Variants in SLC6A5 observed in about 807,000 individuals in gnomAD.
The protein encoded by SLC6A5 is solute carrier family 6 member 5.
In SLC6A5, 58 loss-of-function variants were observed where a neutral mutation model predicts 90.5. The ratio of observed to expected loss-of-function variants is 0.64; its 90% CI spans 0.52 to 0.80. The LOEUF (loss-of-function observed/expected upper bound fraction) is 0.80. SLC6A5 is among the 30% of genes least tolerant of loss of function. The pLI, the probability that SLC6A5 is intolerant of heterozygous loss-of-function variation, is 0.00. For synonymous variants in SLC6A5, 427 were observed against 401.4 expected (o/e 1.06, Z -0.76); for missense variants, 1,015 against 1,017.6 (o/e 1.00, Z 0.03).
rs914006722 is a variant in SLC6A5 at position 20,656,437 on chromosome 11, A to G, written c.*1569A>G. 6.6e-6 allele frequency: 1 copy of G among 152,144 alleles called. No homozygotes were observed. The highest frequency in any genetic ancestry group is 1.5e-5 in the Non-Finnish European group (1 of 68,028). 9.4% of individuals were successfully genotyped at this position (152,144 alleles called of 1,614,324 possible). A position where few individuals can be genotyped will look rare whatever the true frequency, so the allele number is the denominator to read the frequency against. ...GTCTCAGGCAAAGTTTTTCAGTTCAAATCTTGTATATTGTTGTGACATTTT... is the reference window on the plus strand; with the variant it reads ...GTCTCAGGCAAAGTTTTTCAGTTCAGATCTTGTATATTGTTGTGACATTTT... On this transcript the variant is annotated 3_prime_UTR_variant, in exon 16 of 16. Coordinates refer to ENST00000525748, the MANE Select transcript of SLC6A5 (RefSeq NM_004211.5).
chr11:20,613,305 A>T (rs1355148296), intron 5 of SLC6A5, among the ~76,000 whole-genome samples: 1 of 152,218 alleles, frequency 6.6e-6, no homozygotes, highest in Non-Finnish European at 1.5e-5. Context: ...GGTAACTGCC[A>T]TATAAGTGTA....
At chr11:20,645,551 TG>T (rs1182840550) in intron 13 of SLC6A5, among the ~76,000 whole-genome samples, 1 of 151,556 alleles carries the variant, frequency 6.6e-6, no homozygotes, top group Non-Finnish European at 1.5e-5. Flanking sequence ...GTATTCTTGA[TG>T]GGAGGAGATG....
Position 20,626,847 on chromosome 11 carries a change from G to A in SLC6A5, c.1395+5G>A. On this transcript the variant is annotated splice_donor_5th_base_variant and intron_variant, in intron 8 of 15. Coordinates refer to ENST00000525748, the MANE Select transcript of SLC6A5 (RefSeq NM_004211.5). ...GAGAAACTCACGGATGCCACGGTGGGCTTCTAATTTTATCTATAACCAGCC... is the reference window on the plus strand; with the variant it reads ...GAGAAACTCACGGATGCCACGGTGGACTTCTAATTTTATCTATAACCAGCC... 2 of 1,613,626 alleles carry A rather than the reference G, an allele frequency of 1.2e-6. No homozygotes were observed. The highest frequency in any genetic ancestry group is 8.5e-7 in the Non-Finnish European group (1 of 1,179,572).
At chr11:20,616,932 C>T (rs1415240660) in intron 6 of SLC6A5, among the ~76,000 whole-genome samples, 1 of 152,206 alleles carries the variant, frequency 6.6e-6, no homozygotes, top group African/African-American at 2.4e-5. Flanking sequence ...CACAGAAAAA[C>T]GTCAACCTAC....
chr11:20,626,951 A>G (rs1853009481), intron 8 of SLC6A5, 109 bp downstream of exon 8: 5 of 871,730 alleles, frequency 5.7e-6, no homozygotes, highest in Non-Finnish European at 9.7e-6. Context: ...GTGTGCTTTT[A>G]TAAGAGCCTG....
intron 14 of SLC6A5, among the ~76,000 whole-genome samples, chr11:20,649,756 A>G (rs1853488098): frequency 6.6e-6 from 1 of 152,248 alleles, no homozygotes; most frequent in Non-Finnish European, 1.5e-5. Context: ...TGAGTTATGC[A>G]TGCACATAAG....
At chr11:20,641,758 T>A (rs1346069912) in intron 13 of SLC6A5, among the ~76,000 whole-genome samples, 6 of 152,098 alleles carry the variant, frequency 3.9e-5, no homozygotes, top group African/African-American at 1.2e-4. Context: ...TCATGTGGGC[T>A]TTTAAGAATG....
intron 5 of SLC6A5, among the ~76,000 whole-genome samples, chr11:20,609,270 GTTTTAAT>G (rs1852649382): frequency 6.7e-6 from 1 of 149,926 alleles, no homozygotes; most frequent in Non-Finnish European, 1.5e-5. Flanking sequence ...CTTACCCAGT[GTTTTAAT>G]TTTTAATTTT....
At chr11:20,623,193 G>T (rs1156457057) in intron 7 of SLC6A5, among the ~76,000 whole-genome samples, 2 of 152,238 alleles carry the variant, frequency 1.3e-5, no homozygotes, top group Non-Finnish European at 2.9e-5. Flanking sequence ...CAGTGTCACA[G>T]TGGAGAGAAA....
chr11:20,621,066 G>T (rs1369991058), intron 7 of SLC6A5, among the ~76,000 whole-genome samples: 1 of 152,114 alleles, frequency 6.6e-6, no homozygotes, highest in Non-Finnish European at 1.5e-5. Flanking sequence ...GCCTCCCAAG[G>T]TGCTAGGATT....
At chr11:20,613,860 C>G (rs894183090) in intron 5 of SLC6A5, among the ~76,000 whole-genome samples, 4 of 151,950 alleles carry the variant, frequency 2.6e-5, no homozygotes, top group Admixed American at 2.6e-4. Context: ...GGGGGGCTGT[C>G]CTGTGCATTG....
At chr11:20,627,645 C>G (rs1853024237) in intron 8 of SLC6A5, among the ~76,000 whole-genome samples, 1 of 152,108 alleles carries the variant, frequency 6.6e-6, no homozygotes, top group Non-Finnish European at 1.5e-5. Context: ...TTATATTTTT[C>G]TGTTGTAAAT....
chr11:20,623,527 T>C (rs1377016078), intron 7 of SLC6A5, among the ~76,000 whole-genome samples: 1 of 152,168 alleles, frequency 6.6e-6, no homozygotes, highest in Non-Finnish European at 1.5e-5. Flanking sequence ...CTGTTAACCC[T>C]GCAGTATTCT....
chr11:20,654,303 A>G (rs1192067883), intron 15 of SLC6A5, among the ~76,000 whole-genome samples: 3 of 152,182 alleles, frequency 2.0e-5, no homozygotes, highest in Admixed American at 2.0e-4. Context: ...CACTGTTGAG[A>G]CTACAGAACA....
At chr11:20,622,920 A>G (rs1277714810) in intron 7 of SLC6A5, among the ~76,000 whole-genome samples, 2 of 152,102 alleles carry the variant, frequency 1.3e-5, no homozygotes, top group African/African-American at 2.4e-5. Flanking sequence ...CCCTTGTAGT[A>G]TCTCATCTTC....
chr11:20,637,125 G>A (rs1420597702), intron 11 of SLC6A5, 47 bp from the exon 12 acceptor site: 1 of 1,602,532 alleles, frequency 6.2e-7, no homozygotes, highest in Admixed American at 1.7e-5. Flanking sequence ...GGTACCTCCT[G>A]GGTGGTACAA....
chr11:20,625,023 G>C (rs1852965598), intron 7 of SLC6A5, among the ~76,000 whole-genome samples: 1 of 152,146 alleles, frequency 6.6e-6, no homozygotes, highest in South Asian at 2.1e-4. Context: ...CTGCCTCAGT[G>C]AGTGCTGGAG....
intron 5 of SLC6A5, among the ~76,000 whole-genome samples, chr11:20,613,652 CTTTTTTTT>C (rs3045403): frequency 1.6e-4 from 20 of 126,412 alleles, no homozygotes; most frequent in African/African-American, 5.3e-4. Flanking sequence ...CTAAATAATT[CTTTTTTTT>C]TTTTTTTTTT....
At chr11:20,604,162 C>T (rs1852529781) in intron 2 of SLC6A5, 124 bp from the exon 3 acceptor site, 1 of 1,215,588 alleles carries the variant, frequency 8.2e-7, no homozygotes, top group Non-Finnish European at 1.2e-6. Context: ...CTTGCTGATG[C>T]ATCCTCGGTT....
Sources: gnomAD v4.1 joint callset for allele counts (sites outside exome capture counted in the v4.1 genomes callset) on GRCh38, gnomAD v4.1.1 for gene constraint, MANE v1.5 for transcripts, NCBI Gene and HGNC (gene_info 2026-07-23, HGNC 2026-07-21) for gene names.